The following DLG2 variants were observed in gnomAD, a reference collection of about 807,000 sequenced individuals.
DLG2 encodes discs large MAGUK scaffold protein 2.
Under a neutral mutation model 132.5 loss-of-function variants are expected in DLG2, and 45 were observed. The ratio of observed to expected loss-of-function variants is 0.34; its 90% CI spans 0.27 to 0.44. DLG2 has a LOEUF of 0.44. Ranked by LOEUF, DLG2 falls within the 20% of genes least tolerant of loss-of-function variation. The pLI is 1.00. For synonymous variants in DLG2, 424 were observed against 419.6 expected (o/e 1.01, Z -0.13); for missense variants, 1,045 against 1,196.9 (o/e 0.87, Z 1.87).
chr11:83,850,160 G>GTT (rs145688257), intron 16 of DLG2, among the ~76,000 whole-genome samples: 9,549 of 124,288 alleles, frequency 0.077, 462 homozygotes, highest in Non-Finnish European at 0.1. Context: ...GTGTGTGTGT[G>GTT]TTTTTTTACT....
intron 7 of DLG2, among the ~76,000 whole-genome samples, chr11:84,413,938 A>T (rs914831328): frequency 2.0e-5 from 3 of 152,194 alleles, no homozygotes; most frequent in African/African-American, 4.8e-5. Context: ...GTATAGAACA[A>T]CTATTATGTG....
At chr11:84,631,019 C>CTG (rs1491269248) in intron 6 of DLG2, among the ~76,000 whole-genome samples, 1 of 76,414 alleles carries the variant, frequency 1.3e-5, no homozygotes, top group African/African-American at 5.7e-5. Flanking sequence ...CTCTCTCTCT[C>CTG]ACACACACAC....
chr11:84,199,472 C>CATAG (rs1459986339), intron 8 of DLG2, among the ~76,000 whole-genome samples: 5 of 152,074 alleles, frequency 3.3e-5, no homozygotes, highest in African/African-American at 1.2e-4. Context: ...GAAATCAATC[C>CATAG]ATAGATCACC....
chr11:84,562,603 A>C (rs928521995), intron 6 of DLG2, among the ~76,000 whole-genome samples: 2 of 152,140 alleles, frequency 1.3e-5, no homozygotes. Flanking sequence ...TTTTAACAGC[A>C]GTTTCGTCTT....
At chr11:84,591,314 GTT>G (rs770850415) in intron 6 of DLG2, among the ~76,000 whole-genome samples, 3 of 129,334 alleles carry the variant, frequency 2.3e-5, no homozygotes, top group African/African-American at 2.8e-5. Context: ...ACCATGCCTT[GTT>G]TTTTTTTTTT....
intron 11 of DLG2, among the ~76,000 whole-genome samples, chr11:84,041,041 AG>A (rs2096064599): frequency 6.6e-6 from 1 of 151,588 alleles, no homozygotes; most frequent in Non-Finnish European, 1.5e-5. Flanking sequence ...TTGGTGTATA[AG>A]AATGCTTGTG....
chr11:85,348,238 T>C (rs2083006911), intron 3 of DLG2, among the ~76,000 whole-genome samples: 1 of 151,290 alleles, frequency 6.6e-6, no homozygotes, highest in Admixed American at 6.6e-5. Context: ...TATTTCTTTT[T>C]TTTGAGACAG....
At chr11:84,144,990 C>A (rs182815851) in intron 9 of DLG2, among the ~76,000 whole-genome samples, 5 of 152,286 alleles carry the variant, frequency 3.3e-5, no homozygotes, top group Admixed American at 3.3e-4. Flanking sequence ...TTCCCTGGAT[C>A]TTTGTTATTT....
chr11:85,206,838 T>C (rs1168931374), intron 4 of DLG2, among the ~76,000 whole-genome samples: 1 of 151,844 alleles, frequency 6.6e-6, no homozygotes, highest in Non-Finnish European at 1.5e-5. Context: ...CTTCTAAAAA[T>C]GAAAAAAAGC....
intron 6 of DLG2, among the ~76,000 whole-genome samples, chr11:84,989,270 G>C (rs1376444827): frequency 6.6e-6 from 1 of 152,124 alleles, no homozygotes; most frequent in African/African-American, 2.4e-5. Context: ...CTGACCCCCA[G>C]GTTCAAGCAA....
chr11:84,302,243 T>C (rs914189158), intron 7 of DLG2, among the ~76,000 whole-genome samples: 1 of 152,070 alleles, frequency 6.6e-6, no homozygotes, highest in East Asian at 1.9e-4. Flanking sequence ...AAATACCTAA[T>C]GTAGATGATG....
intron 4 of DLG2, among the ~76,000 whole-genome samples, chr11:85,205,525 T>G (rs2081824712): frequency 6.6e-6 from 1 of 152,156 alleles, no homozygotes; most frequent in African/African-American, 2.4e-5. Context: ...TATGTCAGAA[T>G]AGCTGTAAAA....
intron 6 of DLG2, among the ~76,000 whole-genome samples, chr11:84,981,790 T>C (rs1211284591): frequency 6.6e-6 from 1 of 152,030 alleles, no homozygotes; most frequent in Non-Finnish European, 1.5e-5. Context: ...TTGAAATGGT[T>C]GTCAATATTC....
intron 11 of DLG2, among the ~76,000 whole-genome samples, chr11:84,047,833 A>T (rs1434550338): frequency 1.3e-5 from 2 of 151,640 alleles, no homozygotes; most frequent in African/African-American, 4.8e-5. Flanking sequence ...TTCCAAAAAG[A>T]TTTAGCAAAC....
chr11:85,436,125 T>G (rs529599595), intron 3 of DLG2, among the ~76,000 whole-genome samples: 2 of 152,338 alleles, frequency 1.3e-5, no homozygotes, highest in East Asian at 3.9e-4. Context: ...GCACTGAAAC[T>G]GGACCCTTCC....
At position 85,009,743 on chromosome 11, in the gene DLG2, G is replaced by A. The variant is rs575447794; in HGVS notation, c.357+101918C>T. On this transcript the variant is annotated intron_variant, in intron 6 of 27. Coordinates refer to ENST00000376104, the MANE Select transcript of DLG2 (RefSeq NM_001142699.3). ...TTAAACGCAAAACCCATTTTTAAAC[G>A]GTCAGAACTCCAAAGATGGTGGCTA... is the stretch of plus-strand genomic sequence containing the variant. Among the ~76,000 whole-genome samples, 349 of 151,940 alleles carry A rather than the reference G, an allele frequency of 2.3e-3. 2 individuals carry two copies. Among genetic ancestry groups the A allele is most frequent in the Non-Finnish European group, 4.3e-3 (289 of 67,884 alleles).
rs761016842 is a variant in DLG2, at chr11:84,059,433, G to A, written c.801C>T (p.Ser267=). The A allele has an allele frequency of 3.1e-6, 5 of 1,612,772 alleles. No homozygotes were observed. Among genetic ancestry groups the A allele is most frequent in the Admixed American group, 1.7e-5 (1 of 59,824 alleles). ...RVNEVDVSEV[S]HSKAVEALKE... ...TCAGGGCTTCCACCGCTTTACTGTGGGAAACCTCTGACACATCAACCTCAT... is the reference window on the plus strand; with the variant it reads ...TCAGGGCTTCCACCGCTTTACTGTGAGAAACCTCTGACACATCAACCTCAT... Residue 267 remains serine (S), a synonymous_variant, in exon 11 of 28, where the codon TCC becomes TCT. Transcript: ENST00000376104.
chr11:83,786,875 C>T, intron 17 of DLG2, 83 bp from the exon 18 acceptor site: 2 of 1,148,268 alleles, frequency 1.7e-6, no homozygotes, highest in South Asian at 2.6e-5. Context: ...CAAAACCAGG[C>T]TGTCTAACAT....
Position 84,045,202 on chromosome 11 carries a change from G to A in DLG2, c.919+14113C>T, listed in dbSNP as rs567277647. On this transcript the variant is annotated intron_variant, in intron 11 of 27. Transcript: ENST00000376104. ...TTATAACCAGCCCTTCCTTATACCT[G>A]TGGTATTCACTTTTATATCTATATG... Among the ~76,000 whole-genome samples, 3 of 151,744 alleles carry A rather than the reference G, an allele frequency of 2.0e-5. No homozygotes were observed. In the South Asian group the frequency reaches 6.2e-4, roughly 31 times the overall value.
Sources: allele counts gnomAD v4.1 joint callset (sites outside exome capture counted in the v4.1 genomes callset), GRCh38; gene constraint gnomAD v4.1.1; transcripts MANE v1.5; gene names NCBI Gene and HGNC (gene_info 2026-07-23, HGNC 2026-07-21).